Variants in SHANK2 observed in about 807,000 individuals in gnomAD.
SHANK2 encodes SH3 and multiple ankyrin repeat domains protein 2.
In SHANK2, 43 loss-of-function variants were observed where a neutral mutation model predicts 133.7. The observed-to-expected ratio is 0.32, with a 90% CI of 0.25 to 0.41. The LOEUF (loss-of-function observed/expected upper bound fraction) is 0.41. Ranked by LOEUF, SHANK2 falls within the 10% of genes least tolerant of loss-of-function variation. SHANK2 has a pLI of 1.00. For synonymous variants in SHANK2, 1,017 were observed against 952.8 expected (o/e 1.07, Z -1.24); for missense variants, 1,994 against 2,235.8 (o/e 0.89, Z 2.18).
At chr11:70,594,817 C>T (rs767506469) in intron 17 of SHANK2, among the ~76,000 whole-genome samples, 7 of 152,196 alleles carry the variant, frequency 4.6e-5, no homozygotes, top group Non-Finnish European at 7.3e-5. Context: ...TCTGCCCTTT[C>T]GCTATGGCCC....
intron 6 of SHANK2, among the ~76,000 whole-genome samples, chr11:71,105,453 C>T (rs1030697762): frequency 1.5e-4 from 23 of 151,814 alleles, no homozygotes; most frequent in Admixed American, 8.5e-4. Context: ...ATTAGTTGGG[C>T]GTGGTGGTGC....
rs144468303 is a variant in SHANK2 at position 70,484,321 on chromosome 11, C to T, written c.4979+993G>A. Among the ~76,000 whole-genome samples, 142 of 152,244 alleles carry T rather than the reference C, an allele frequency of 9.3e-4. 1 individual carries two copies. Among genetic ancestry groups the T allele is most frequent in the African/African-American group, 3.1e-3 (130 of 41,552 alleles). On this transcript the variant is annotated intron_variant, in intron 25 of 25. Coordinates refer to ENST00000601538, the MANE Select transcript of SHANK2 (RefSeq NM_012309.5). Reference sequence around the variant, plus strand: ...ATCATGGTGGGGGAGTTCTCATGAACGGTTTAGCACCATCTTCCCTGGCTA... The same window carrying T: ...ATCATGGTGGGGGAGTTCTCATGAATGGTTTAGCACCATCTTCCCTGGCTA...
intron 17 of SHANK2, among the ~76,000 whole-genome samples, chr11:70,622,275 C>A (rs527577016): frequency 5.9e-5 from 9 of 152,268 alleles, no homozygotes; most frequent in African/African-American, 2.2e-4. Flanking sequence ...CCCACAGCTG[C>A]CCGGCAGTGT....
intron 10 of SHANK2, among the ~76,000 whole-genome samples, chr11:70,902,828 CG>C (rs1565395141): frequency 6.6e-6 from 1 of 152,270 alleles, no homozygotes; most frequent in African/African-American, 2.4e-5. Flanking sequence ...ATGGACACCC[CG>C]CCAGGGGCCC....
At chr11:70,576,682 C>T (rs538211311) in intron 17 of SHANK2, among the ~76,000 whole-genome samples, 1 of 152,302 alleles carries the variant, frequency 6.6e-6, no homozygotes, top group Non-Finnish European at 1.5e-5. Context: ...CCAGGCCTAA[C>T]TCTGCCCTTA....
Position 71,147,150 on chromosome 11 carries a change from G to A in SHANK2, c.177C>T (p.Ile59=), listed in dbSNP as rs1555106848. 6.5e-7 allele frequency: 1 copy of A among 1,549,924 alleles called. No individual in the cohort carries two copies. Among genetic ancestry groups the A allele is most frequent in the African/African-American group, 1.4e-5 (1 of 73,156 alleles). The change falls in exon 3 of 26, where the codon ATC becomes ATT. Residue 59 remains isoleucine (I), a synonymous_variant. Transcript: ENST00000601538. ...TEESQGNTLV[I]RVVIHDLQQT... ...GCTGCAGGTCATGGATGACCACGCG[G>A]ATCACCAGCGTGTTGCCCTGGCTCT...
chr11:71,220,274 A>G (rs1555120831), intron 2 of SHANK2, among the ~76,000 whole-genome samples: 1 of 151,958 alleles, frequency 6.6e-6, no homozygotes, highest in East Asian at 1.9e-4. Flanking sequence ...ACAAAACAAA[A>G]TACGAGTGTT....
intron 2 of SHANK2, among the ~76,000 whole-genome samples, chr11:71,213,820 TTAGGACGTTTTGACATC>T (rs1230984523): frequency 6.6e-6 from 1 of 152,186 alleles, no homozygotes; most frequent in African/African-American, 2.4e-5. Flanking sequence ...ATTTTCTGTC[TTAGGACGTTTTGACATC>T]TAGGGGAGCC....
chr11:71,167,486 C>T (rs536758569), intron 2 of SHANK2, among the ~76,000 whole-genome samples: 341 of 135,080 alleles, frequency 2.5e-3, no homozygotes, highest in Non-Finnish European at 4.5e-3. Context: ...CCAGTAGGGG[C>T]GGCCGGGCAG....
intron 21 of SHANK2, among the ~76,000 whole-genome samples, chr11:70,499,855 G>GTTAAGATGTGCCTTAGGGCCAGGTGCT (rs1555157999): frequency 1.3e-5 from 2 of 152,222 alleles, no homozygotes; most frequent in Non-Finnish European, 2.9e-5. Flanking sequence ...TTGGGACAGA[G>GTTAAGATGTGCCTTAGGGCCAGGTGCT]TTAAGATGTG....
chr11:70,492,787 G>GTTTTTTTTTTTT lies in SHANK2; in HGVS notation c.2309-334_2309-323dup, dbSNP rs34452642. Among the ~76,000 whole-genome samples the GTTTTTTTTTTTT allele has an allele frequency of 4.2e-5, 3 of 70,594 alleles. 1 individual carries two copies. The East Asian group carries it at 1.5e-3, about 35-fold the overall frequency. The allele number at this position is 70,594 out of a possible 152,430, so 46.3% of individuals were successfully genotyped here. A position where few individuals can be genotyped will look rare whatever the true frequency, so the allele number is the denominator to read the frequency against. On this transcript the variant is annotated intron_variant, in intron 21 of 25. Coordinates refer to ENST00000601538, the MANE Select transcript of SHANK2 (RefSeq NM_012309.5). ...TTTCTGTTTTTTGGGACATTTCTGTGTTTTTTTTTTTTTTTTTTTTTTTTT... is the reference window on the plus strand; with the variant it reads ...TTTCTGTTTTTTGGGACATTTCTGTGTTTTTTTTTTTTTTTTTTTTTTTTTTTTTTTTTTTTT...
At chr11:70,770,773 G>A (rs1947229992) in intron 14 of SHANK2, among the ~76,000 whole-genome samples, 1 of 152,132 alleles carries the variant, frequency 6.6e-6, no homozygotes, top group Non-Finnish European at 1.5e-5. Context: ...CTTTCCCCCA[G>A]GTTCCTGCTC....
intron 14 of SHANK2, among the ~76,000 whole-genome samples, chr11:70,748,255 C>A (rs1946684002): frequency 6.6e-6 from 1 of 152,202 alleles, no homozygotes; most frequent in Non-Finnish European, 1.5e-5. Flanking sequence ...GAGGCCTCGC[C>A]CAGACATAAA....
chr11:70,781,558 T>TTATATATATATATA (rs1273792106), intron 14 of SHANK2, among the ~76,000 whole-genome samples: 492 of 28,888 alleles, frequency 0.017, 50 homozygotes, highest in East Asian at 0.048. Flanking sequence ...TACTTACTTA[T>TTATATATATATATA]TATATATATA....
At chr11:70,516,797 G>A (rs1380122554) in intron 17 of SHANK2, among the ~76,000 whole-genome samples, 1 of 152,206 alleles carries the variant, frequency 6.6e-6, no homozygotes, top group Non-Finnish European at 1.5e-5. Flanking sequence ...GGCTGGGCAT[G>A]GTGGCTCATG....
At chr11:71,090,649 G>GTC (rs1823296094) in intron 8 of SHANK2, among the ~76,000 whole-genome samples, 1 of 151,622 alleles carries the variant, frequency 6.6e-6, no homozygotes, top group Non-Finnish European at 1.5e-5. Flanking sequence ...GTGTGTGTGT[G>GTC]TGTGTGTGTG....
chr11:71,220,599 A>G (rs1409172978), intron 2 of SHANK2, among the ~76,000 whole-genome samples: 2 of 152,204 alleles, frequency 1.3e-5, no homozygotes, highest in African/African-American at 4.8e-5. Context: ...TCTTAGGCTT[A>G]AAAAGAAATG....
intron 14 of SHANK2, among the ~76,000 whole-genome samples, chr11:70,732,104 C>T (rs936655005): frequency 6.6e-6 from 1 of 152,170 alleles, no homozygotes; most frequent in Non-Finnish European, 1.5e-5. Context: ...GTGGCCCCAG[C>T]CTCACCCTCC....
At chr11:71,246,306 C>T (rs1954960270) in intron 1 of SHANK2, among the ~76,000 whole-genome samples, 1 of 152,046 alleles carries the variant, frequency 6.6e-6, no homozygotes, top group Admixed American at 6.5e-5. Flanking sequence ...ATTCCCCACC[C>T]CCACCGAGGA....
Sources: allele counts gnomAD v4.1 joint callset (sites outside exome capture counted in the v4.1 genomes callset), GRCh38; gene constraint gnomAD v4.1.1; transcripts MANE v1.5; gene names NCBI Gene and HGNC (gene_info 2026-07-23, HGNC 2026-07-21).